Variants in LSAMP observed in about 807,000 individuals in gnomAD.
LSAMP encodes the protein limbic system-associated membrane protein.
A neutral mutation model predicts 38.6 loss-of-function variants in LSAMP; 7 were observed. The observed-to-expected ratio is 0.18, with a 90% confidence interval of 0.10 to 0.34. The LOEUF is 0.34. Among genes scored for constraint, LSAMP ranks in the 10% least tolerant of loss-of-function variants. The pLI, the probability that LSAMP is intolerant of heterozygous loss-of-function variation, is 1.00. For missense variants in LSAMP, 313 were observed against 420.0 expected (o/e 0.75, Z 2.23); for synonymous variants, 154 against 166.8 (o/e 0.92, Z 0.59).
intron 3 of LSAMP, among the ~76,000 whole-genome samples, chr3:115,944,983 TTAAG>T (rs1938047346): frequency 6.6e-6 from 1 of 152,158 alleles, no homozygotes; most frequent in Non-Finnish European, 1.5e-5. Flanking sequence ...AAGGCTGATA[TTAAG>T]TACCATTTTT....
chr3:115,985,396 T>A (rs1400859837), intron 3 of LSAMP, among the ~76,000 whole-genome samples: 2 of 152,146 alleles, frequency 1.3e-5, no homozygotes, highest in African/African-American at 4.8e-5. Context: ...TCTATTAACT[T>A]GTGAGTTAGG....
intron 1 of LSAMP, among the ~76,000 whole-genome samples, chr3:116,178,496 T>C (rs931222206): frequency 1.3e-5 from 2 of 152,092 alleles, no homozygotes; most frequent in Admixed American, 1.3e-4. Context: ...AGCAAGTACA[T>C]CAGTTAGGAG....
rs115380143 is a variant in LSAMP at position 115,864,609 on chromosome 3, G to C, written c.515-11992C>G. ...TAGAAAGAACTCATCCTTTGTTCTA[G>C]CTCAAGTCTTCTAAACTCCCTCAGC... On this transcript the variant is annotated intron_variant, in intron 3 of 6. Coordinates refer to ENST00000490035, the MANE Select transcript of LSAMP (RefSeq NM_002338.5). Among the ~76,000 whole-genome samples the C allele has an allele frequency of 7.0e-3, 1,062 of 152,228 alleles. 11 individuals are homozygous for C. The highest frequency in any genetic ancestry group is 0.024 in the African/African-American group (980 of 41,540).
chr3:116,342,462 A>C (rs2107754773), intron 1 of LSAMP, among the ~76,000 whole-genome samples: 1 of 152,246 alleles, frequency 6.6e-6, no homozygotes, highest in African/African-American at 2.4e-5. Flanking sequence ...TAACAGTTTA[A>C]TACATTTCTC....
At chr3:116,033,838 G>A (rs956226048) in intron 2 of LSAMP, among the ~76,000 whole-genome samples, 3 of 152,160 alleles carry the variant, frequency 2.0e-5, no homozygotes, top group Admixed American at 1.3e-4. Flanking sequence ...ACGTGATGCA[G>A]ATGTGCCTGA....
chr3:116,158,136 T>A (rs563352618), intron 1 of LSAMP, among the ~76,000 whole-genome samples: 1 of 152,226 alleles, frequency 6.6e-6, no homozygotes, highest in Non-Finnish European at 1.5e-5. Context: ...CAGAAAAGGC[T>A]TTTGTTAAAA....
At chr3:115,827,195 A>G (rs940100098) in intron 6 of LSAMP, among the ~76,000 whole-genome samples, 2 of 152,174 alleles carry the variant, frequency 1.3e-5, no homozygotes, top group African/African-American at 4.8e-5. Context: ...ACCCACACGT[A>G]TAGTTGAAAA....
chr3:116,281,507 A>G (rs372497987), intron 1 of LSAMP, among the ~76,000 whole-genome samples: 3 of 152,232 alleles, frequency 2.0e-5, no homozygotes, highest in Non-Finnish European at 1.5e-5. Flanking sequence ...GGTAGTTAGA[A>G]GGTGCATTAA....
intron 3 of LSAMP, among the ~76,000 whole-genome samples, chr3:115,968,318 C>T (rs1181663783): frequency 1.3e-5 from 2 of 152,020 alleles, no homozygotes; most frequent in Non-Finnish European, 2.9e-5. Flanking sequence ...GAAGTGAGCT[C>T]GCCTGTGAGT....
chr3:115,968,008 C>T (rs558584570), intron 3 of LSAMP, among the ~76,000 whole-genome samples: 1 of 152,158 alleles, frequency 6.6e-6, no homozygotes, highest in African/African-American at 2.4e-5. Context: ...TGCCTGGCTA[C>T]CATTGATGTT....
chr3:116,283,750 G>A (rs974680058), intron 1 of LSAMP, among the ~76,000 whole-genome samples: 3 of 152,154 alleles, frequency 2.0e-5, no homozygotes, highest in African/African-American at 4.8e-5. Context: ...AATGAAAATG[G>A]CACTTTCCTC....
chr3:116,384,073 A>C (rs1162440498), intron 1 of LSAMP, among the ~76,000 whole-genome samples: 7 of 152,110 alleles, frequency 4.6e-5, no homozygotes, highest in African/African-American at 7.2e-5. Context: ...TTTAAGAAAA[A>C]AACTCATTAA....
intron 1 of LSAMP, among the ~76,000 whole-genome samples, chr3:116,209,866 C>T: frequency 6.6e-6 from 1 of 152,168 alleles, no homozygotes. Flanking sequence ...GTTCTCCTGC[C>T]TTAGCCTCCG....
intron 1 of LSAMP, among the ~76,000 whole-genome samples, chr3:116,272,870 T>C (rs999756695): frequency 6.6e-6 from 1 of 152,174 alleles, no homozygotes; most frequent in Non-Finnish European, 1.5e-5. Context: ...AATAGTAAAC[T>C]AATTTTTTTG....
intron 3 of LSAMP, among the ~76,000 whole-genome samples, chr3:115,858,578 T>C (rs532175197): frequency 4.6e-5 from 7 of 152,200 alleles, no homozygotes; most frequent in Non-Finnish European, 8.8e-5. Flanking sequence ...GAAGATGTGC[T>C]TGAAATGGGG....
intron 1 of LSAMP, among the ~76,000 whole-genome samples, chr3:116,443,277 A>T (rs917014699): frequency 5.9e-5 from 9 of 152,200 alleles, no homozygotes; most frequent in African/African-American, 1.9e-4. Context: ...TTACTCTGTA[A>T]ATCTGATTAC....
chr3:116,261,450 C>G (rs1277189622), intron 1 of LSAMP, among the ~76,000 whole-genome samples: 1 of 152,166 alleles, frequency 6.6e-6, no homozygotes, highest in East Asian at 1.9e-4. Flanking sequence ...ATTGAATTAT[C>G]AGCATGTCAC....
intron 1 of LSAMP, among the ~76,000 whole-genome samples, chr3:116,178,704 C>T (rs2107565539): frequency 6.6e-6 from 1 of 152,110 alleles, no homozygotes; most frequent in Admixed American, 6.5e-5. Flanking sequence ...CTTGGGAGCC[C>T]AAGATAAACC....
chr3:115,900,752 A>G (rs1936854675), intron 3 of LSAMP, among the ~76,000 whole-genome samples: 1 of 152,150 alleles, frequency 6.6e-6, no homozygotes, highest in Admixed American at 6.6e-5. Flanking sequence ...TTGACAGTGA[A>G]AGAACAATGG....
Sources: gnomAD v4.1 joint callset for allele counts (sites outside exome capture counted in the v4.1 genomes callset) on GRCh38, gnomAD v4.1.1 for gene constraint, MANE v1.5 for transcripts, NCBI Gene and HGNC (gene_info 2026-07-23, HGNC 2026-07-21) for gene names.